NCAM1: variants seen among roughly 807,000 people sequenced by gnomAD.
NCAM1 encodes antigen recognized by monoclonal antibody 5.1H11.
Under a neutral mutation model 109.8 loss-of-function variants are expected in NCAM1, and 14 were observed. The ratio of observed to expected loss-of-function variants is 0.13; its 90% CI spans 0.08 to 0.20. NCAM1 has a LOEUF of 0.20. Ranked by LOEUF, NCAM1 falls within the 10% of genes least tolerant of loss-of-function variation. NCAM1 has a pLI of 1.00. For synonymous variants in NCAM1, 418 were observed against 442.9 expected (o/e 0.94, Z 0.70); for missense variants, 774 against 1,109.9 (o/e 0.70, Z 4.30).
intron 1 of NCAM1, among the ~76,000 whole-genome samples, chr11:113,113,992 C>T (rs1940566993): frequency 6.6e-6 from 1 of 152,212 alleles, no homozygotes; most frequent in Admixed American, 6.5e-5. Context: ...TAACAATCTG[C>T]TTTTAAACTA....
At chr11:113,138,844 A>C (rs1941708424) in intron 1 of NCAM1, among the ~76,000 whole-genome samples, 1 of 152,210 alleles carries the variant, frequency 6.6e-6, no homozygotes, top group Non-Finnish European at 1.5e-5. Context: ...TCTTAACATC[A>C]TACAGTTTTA....
chr11:113,234,229 G>A (rs1217988059), intron 13 of NCAM1, among the ~76,000 whole-genome samples: 3 of 148,350 alleles, frequency 2.0e-5, no homozygotes, highest in African/African-American at 7.5e-5. Context: ...GTGGCAGGTT[G>A]ATCTCATGTC....
intron 1 of NCAM1, among the ~76,000 whole-genome samples, chr11:112,973,018 G>C (rs552139324): frequency 2.0e-5 from 3 of 152,118 alleles, no homozygotes; most frequent in Non-Finnish European, 4.4e-5. Context: ...AATGAATAAA[G>C]TTAAGGGTTT....
intron 9 of NCAM1, among the ~76,000 whole-genome samples, chr11:113,228,972 T>C (rs1555116705): frequency 6.6e-6 from 1 of 152,142 alleles, no homozygotes; most frequent in Non-Finnish European, 1.5e-5. Flanking sequence ...CCTAAAACCA[T>C]AAAAACCCTA....
At position 112,963,857 on chromosome 11, in the gene NCAM1, G is replaced by A. The variant is rs1053720950; in HGVS notation, c.52+2193G>A. Among the ~76,000 whole-genome samples the A allele has an allele frequency of 2.6e-5, 4 of 152,182 alleles. No individual in the cohort carries two copies. Among genetic ancestry groups the A allele is most frequent in the South Asian group, 4.1e-4 (2 of 4,828 alleles). The stretch of plus-strand genomic sequence containing the variant: ...GATGTTCCTGGATGCCCAGGCAGGG[G>A]AGGCATTCTAACCAGTGTTCCCTGG... On this transcript the variant is annotated intron_variant, in intron 1 of 19. Coordinates refer to ENST00000316851, the MANE Select transcript of NCAM1 (RefSeq NM_181351.5). This position sits in a 1 kb window ranked among gnomAD's most constrained non-coding sequence, Gnocchi z 4.6.
At chr11:113,270,636 C>G in intron 18 of NCAM1, 1 of 544,738 alleles carries the variant, frequency 1.8e-6, no homozygotes, top group Non-Finnish European at 3.3e-6. Context: ...AGAATCTCCC[C>G]AGAGTGTGAA....
intron 1 of NCAM1, among the ~76,000 whole-genome samples, chr11:112,965,950 C>A (rs370229814): frequency 1.3e-5 from 2 of 152,110 alleles, no homozygotes; most frequent in Non-Finnish European, 2.9e-5. Context: ...CGTCAGTCTG[C>A]GGGAAGAATC....
At chr11:113,087,125 A>T (rs1939127353) in intron 1 of NCAM1, among the ~76,000 whole-genome samples, 1 of 152,218 alleles carries the variant, frequency 6.6e-6, no homozygotes, top group Admixed American at 6.5e-5. Flanking sequence ...GTTATATTCT[A>T]GTTATTCTTT....
chr11:112,976,620 G>C (rs2134614235), intron 1 of NCAM1, among the ~76,000 whole-genome samples: 1 of 151,896 alleles, frequency 6.6e-6, no homozygotes, highest in Non-Finnish European at 1.5e-5. Context: ...TTGAAATGAT[G>C]CTAATATCTA....
intron 1 of NCAM1, among the ~76,000 whole-genome samples, chr11:113,156,883 G>C (rs527357481): frequency 6.6e-6 from 1 of 152,072 alleles, no homozygotes; most frequent in African/African-American, 2.4e-5. Context: ...GAGAAGGTAG[G>C]CATCTCCACA....
chr11:113,196,194 T>G (rs1455121862), intron 1 of NCAM1, among the ~76,000 whole-genome samples: 1 of 152,164 alleles, frequency 6.6e-6, no homozygotes, highest in Non-Finnish European at 1.5e-5. Context: ...ATCACAACTG[T>G]CTCCTCCCTA....
chr11:113,036,005 G>A (rs772076318), intron 1 of NCAM1, among the ~76,000 whole-genome samples: 1 of 151,816 alleles, frequency 6.6e-6, no homozygotes, highest in Non-Finnish European at 1.5e-5. Context: ...CGTCAGCATG[G>A]CCCAGTCACT....
chr11:113,142,981 G>A (rs1322118898), intron 1 of NCAM1, among the ~76,000 whole-genome samples: 1 of 152,078 alleles, frequency 6.6e-6, no homozygotes, highest in Non-Finnish European at 1.5e-5. Flanking sequence ...AAAATTTAAA[G>A]GGATGCAGAC....
chr11:113,262,653 G>C (rs1946041647), intron 17 of NCAM1, among the ~76,000 whole-genome samples: 1 of 152,098 alleles, frequency 6.6e-6, no homozygotes, highest in African/African-American at 2.4e-5. Flanking sequence ...TTCTATAGTT[G>C]ACCTAATTTT....
At chr11:113,071,914 G>A (rs1373156261) in intron 1 of NCAM1, among the ~76,000 whole-genome samples, 1 of 152,148 alleles carries the variant, frequency 6.6e-6, no homozygotes, top group Non-Finnish European at 1.5e-5. Context: ...GGAGGCCGAA[G>A]CAGGTGGACG....
At position 113,205,572 on chromosome 11, in the gene NCAM1, G is replaced by A; in HGVS notation, c.396G>A (p.Gly132=). 6.2e-7 allele frequency: 1 copy of A among 1,613,580 alleles called. No homozygotes were observed. Among genetic ancestry groups the A allele is most frequent in the Non-Finnish European group, 8.5e-7 (1 of 1,179,696 alleles). Residue 132 remains glycine, a synonymous_variant, in exon 4 of 20, where the codon GGG becomes GGA. Transcript: ENST00000316851. ...NAPTPQEFRE[G]EDAVIVCDVV... ...CAACCCCACAGGAGTTCCGGGAGGG[G>A]GAAGATGCCGTGATTGTGTGTGATG... is the stretch of plus-strand genomic sequence containing the variant.
intron 1 of NCAM1, among the ~76,000 whole-genome samples, chr11:113,068,174 G>T (rs1440812868): frequency 6.6e-6 from 1 of 152,146 alleles, no homozygotes; most frequent in East Asian, 1.9e-4. Context: ...GCCTCCCAAA[G>T]TGCTGGGATT....
At chr11:113,231,865 A>C (rs1945018391) in intron 10 of NCAM1, 70 bp downstream of exon 10, 1 of 1,578,414 alleles carries the variant, frequency 6.3e-7, no homozygotes, top group Admixed American at 1.7e-5. Context: ...AGAGGAAAAC[A>C]TCAGCAAGGA....
At chr11:113,003,818 A>C (rs554292406) in intron 1 of NCAM1, 1 of 152,372 alleles carries the variant, frequency 6.6e-6, no homozygotes, top group East Asian at 1.9e-4. Context: ...GGGAAGGGGC[A>C]GTGGTTTTGG....
Sources: gnomAD v4.1 joint callset for allele counts (sites outside exome capture counted in the v4.1 genomes callset) on GRCh38, gnomAD v4.1.1 for gene constraint, Gnocchi (gnomAD v3.1) non-coding constraint, MANE v1.5 for transcripts, NCBI Gene and HGNC (gene_info 2026-07-23, HGNC 2026-07-21) for gene names.